UVRAG: variants seen among roughly 807,000 people sequenced by gnomAD.
UVRAG encodes the protein UV radiation resistance associated.
A neutral mutation model predicts 78.0 loss-of-function variants in UVRAG; 19 were observed. The ratio of observed to expected loss-of-function variants is 0.24; its 90% confidence interval spans 0.17 to 0.36. The LOEUF (loss-of-function observed/expected upper bound fraction) is 0.36. UVRAG is among the 10% of genes least tolerant of loss of function. UVRAG has a pLI of 1.00. For synonymous variants in UVRAG, 323 were observed against 324.6 expected, an observed-to-expected ratio of 1.00 and a Z score of 0.05; for missense variants, 740 against 853.8, an observed-to-expected ratio of 0.87 and a Z score of 1.66.
At chr11:75,852,107 A>G (rs1946166080) in intron 2 of UVRAG, 107 bp downstream of exon 2, 3 of 705,384 alleles carry the variant, frequency 4.3e-6, no homozygotes, top group Admixed American at 3.0e-5. Flanking sequence ...TCGGAAACCT[A>G]AATTGTTATG....
Position 76,089,733 on chromosome 11 carries a change from C to G in UVRAG, c.1305+23945C>G, listed in dbSNP as rs189941546. Among the ~76,000 whole-genome samples the G allele has an allele frequency of 3.3e-3, 503 of 152,228 alleles. 2 individuals carry two copies. The highest frequency in any genetic ancestry group is 4.2e-3 in the Non-Finnish European group (286 of 68,020). ...TCTTAGCAGATTATGTTACTACTTG[C>G]CTCTAAATAATTTGATAATGTTGAT... On this transcript the variant is annotated intron_variant, in intron 13 of 14. Coordinates refer to ENST00000356136, the MANE Select transcript of UVRAG (RefSeq NM_003369.4).
intron 1 of UVRAG, among the ~76,000 whole-genome samples, chr11:75,849,113 G>A (rs991760619): frequency 2.2e-4 from 34 of 152,200 alleles, no homozygotes; most frequent in Non-Finnish European, 8.8e-5. Flanking sequence ...AGGATGCGGA[G>A]GCTGCAGTGA....
At chr11:76,048,662 AAT>A (rs746036110) in intron 12 of UVRAG, among the ~76,000 whole-genome samples, 8 of 152,338 alleles carry the variant, frequency 5.3e-5, no homozygotes, top group Admixed American at 1.3e-4. Context: ...TTATCATTGA[AAT>A]ATGTCTTTCT....
At chr11:75,892,538 T>C (rs985513236) in intron 5 of UVRAG, 4 of 444,226 alleles carry the variant, frequency 9.0e-6, no homozygotes, top group African/African-American at 8.6e-5. Context: ...ACAGAGAACT[T>C]AAGTAACTTT....
chr11:75,901,226 T>C (rs1484521858), intron 5 of UVRAG, among the ~76,000 whole-genome samples: 1 of 152,218 alleles, frequency 6.6e-6, no homozygotes, highest in Non-Finnish European at 1.5e-5. Context: ...AAAAGTATAC[T>C]CATTGCATCT....
intron 1 of UVRAG, among the ~76,000 whole-genome samples, chr11:75,844,877 C>T (rs1478040259): frequency 6.6e-6 from 1 of 152,100 alleles, no homozygotes; most frequent in African/African-American, 2.4e-5. Context: ...GTTGCCCAGG[C>T]TGGTCTTAAA....
intron 14 of UVRAG, among the ~76,000 whole-genome samples, chr11:76,135,401 T>C (rs141376993): frequency 6.6e-6 from 1 of 152,302 alleles, no homozygotes; most frequent in Non-Finnish European, 1.5e-5. Flanking sequence ...GAAAACTTGA[T>C]CCAAGGAAGC....
chr11:75,974,777 G>T (rs1949202604), intron 7 of UVRAG, among the ~76,000 whole-genome samples: 1 of 152,124 alleles, frequency 6.6e-6, no homozygotes, highest in Non-Finnish European at 1.5e-5. Context: ...CTGGATATTA[G>T]CCCTTTGTCA....
At chr11:76,029,080 T>C (rs1328850113) in intron 12 of UVRAG, among the ~76,000 whole-genome samples, 2 of 152,310 alleles carry the variant, frequency 1.3e-5, no homozygotes, top group East Asian at 3.9e-4. Context: ...CTGAAAATCC[T>C]GGGGCCCTTA....
At chr11:75,897,203 A>T (rs1421920524) in intron 5 of UVRAG, among the ~76,000 whole-genome samples, 2 of 152,316 alleles carry the variant, frequency 1.3e-5, no homozygotes, top group East Asian at 3.9e-4. Context: ...GAGATTGAAG[A>T]TTTAGGTATA....
intron 6 of UVRAG, chr11:75,934,844 A>G (rs1045441930): frequency 1.3e-5 from 2 of 152,192 alleles, no homozygotes; most frequent in African/African-American, 4.8e-5. Context: ...TCTGTAACAG[A>G]TTAAATGTTA....
intron 3 of UVRAG, among the ~76,000 whole-genome samples, chr11:75,872,391 CTTTTTTT>C (rs558324580): frequency 2.9e-5 from 4 of 137,188 alleles, no homozygotes; most frequent in African/African-American, 1.1e-4. Flanking sequence ...CTAATGCTGC[CTTTTTTT>C]TTTTTTTTTA....
Position 75,879,891 on chromosome 11 carries a change from C to T in UVRAG, c.283C>T (p.Arg95Ter), listed in dbSNP as rs748109497. 2 of 1,613,694 alleles carry T rather than the reference C, an allele frequency of 1.2e-6. No homozygotes were observed. The highest frequency in any genetic ancestry group is 1.1e-5 in the South Asian group (1 of 91,056). Residue 95 changes from arginine (R) to a stop codon, truncating the protein, a stop_gained, in exon 4 of 15, where the codon CGA becomes TGA. Transcript: ENST00000356136. LOFTEE classifies it high-confidence loss of function. ...TTTTCATGAGCAGAATCCCACGTGGCGAAGTCTCGATTTTGGAATTATGCC... is the reference window on the plus strand; with the variant it reads ...TTTTCATGAGCAGAATCCCACGTGGTGAAGTCTCGATTTTGGAATTATGCC... ...VIKNSLNPTW[R>*]SLDFGIMPDR...
At chr11:75,869,299 G>T (rs893175573) in intron 3 of UVRAG, among the ~76,000 whole-genome samples, 4 of 152,154 alleles carry the variant, frequency 2.6e-5, no homozygotes, top group Non-Finnish European at 5.9e-5. Context: ...TAATTTATCA[G>T]AACTATAAAG....
At chr11:76,036,741 A>G (rs1950542544) in intron 12 of UVRAG, among the ~76,000 whole-genome samples, 1 of 152,066 alleles carries the variant, frequency 6.6e-6, no homozygotes. Flanking sequence ...AGTTAAAAAA[A>G]AAAACACAGA....
At chr11:76,107,342 A>G (rs1338805826) in intron 13 of UVRAG, among the ~76,000 whole-genome samples, 1 of 152,228 alleles carries the variant, frequency 6.6e-6, no homozygotes, top group African/African-American at 2.4e-5. Context: ...GTTCAACCTT[A>G]GGCCATTTAA....
intron 5 of UVRAG, among the ~76,000 whole-genome samples, chr11:75,897,974 A>T (rs1307204089): frequency 1.4e-5 from 2 of 146,470 alleles, no homozygotes; most frequent in Non-Finnish European, 3.0e-5. Flanking sequence ...GGTTCAAGCA[A>T]TTCTCTCTCT....
At chr11:76,088,661 C>T (rs900805258) in intron 13 of UVRAG, among the ~76,000 whole-genome samples, 2 of 152,134 alleles carry the variant, frequency 1.3e-5, no homozygotes, top group African/African-American at 4.8e-5. Context: ...AAAGGCCCAT[C>T]TTCTGCTTTT....
intron 8 of UVRAG, among the ~76,000 whole-genome samples, chr11:75,992,497 A>G (rs902843664): frequency 2.0e-5 from 3 of 152,218 alleles, no homozygotes; most frequent in African/African-American, 7.2e-5. Flanking sequence ...GGTTCCTAAC[A>G]TAAGTAGGAG....
Sources: gnomAD v4.1 joint callset for allele counts (sites outside exome capture counted in the v4.1 genomes callset) on GRCh38, gnomAD v4.1.1 for gene constraint, MANE v1.5 for transcripts, NCBI Gene and HGNC (gene_info 2026-07-23, HGNC 2026-07-21) for gene names.